The following ABLIM2 variants were observed in gnomAD, a reference collection of about 807,000 sequenced individuals.
ABLIM2 encodes actin-binding LIM protein 2.
A neutral mutation model predicts 97.7 loss-of-function variants in ABLIM2; 53 were observed. The ratio of observed to expected loss-of-function variants is 0.54; its 90% CI spans 0.44 to 0.68. The LOEUF is 0.68. ABLIM2 is among the 30% of genes least tolerant of loss of function. The pLI, the probability that ABLIM2 is intolerant of heterozygous loss-of-function variation, is 0.00. For missense variants in ABLIM2, 835 were observed against 867.2 expected (o/e 0.96, Z 0.47); for synonymous variants, 361 against 345.8 (o/e 1.04, Z -0.49).
rs949787246 is a variant in ABLIM2, at chr4:8,083,524, G to A, written c.455-2722C>T. Among the ~76,000 whole-genome samples, 1 of 152,232 alleles carries A rather than the reference G, an allele frequency of 6.6e-6. No individual in the cohort carries two copies. The highest frequency in any genetic ancestry group is 2.4e-5 in the African/African-American group (1 of 41,468). On this transcript the variant is annotated intron_variant, in intron 4 of 20. Transcript: ENST00000447017. The surrounding 1 kb of genome is among the most constrained non-coding windows in gnomAD (Gnocchi z 4.6). Reference sequence around the variant, plus strand: ...CCTTGACCTTGAGCTCCAAACTGCAGAGGGGATGTGAACCTCACACCTGCC... The same window carrying A: ...CCTTGACCTTGAGCTCCAAACTGCAAAGGGGATGTGAACCTCACACCTGCC...
chr4:8,084,725 C>T (rs973385472), intron 4 of ABLIM2, among the ~76,000 whole-genome samples: 1 of 152,232 alleles, frequency 6.6e-6, no homozygotes, highest in African/African-American at 2.4e-5. Context: ...GAGCTGCTTG[C>T]CATCCCTTTT....
At chr4:8,096,742 C>T (rs1051655744) in intron 3 of ABLIM2, among the ~76,000 whole-genome samples, 4 of 152,032 alleles carry the variant, frequency 2.6e-5, no homozygotes, top group Non-Finnish European at 5.9e-5. Context: ...AGGCAGGGAC[C>T]ACGTAGGAAG....
chr4:8,155,212 T>C lies in ABLIM2; in HGVS notation c.10+3468A>G, dbSNP rs1162699923. Among the ~76,000 whole-genome samples, 5 of 152,228 alleles carry C rather than the reference T, an allele frequency of 3.3e-5. No homozygotes were observed. Among genetic ancestry groups the C allele is most frequent in the Admixed American group, 3.3e-4 (5 of 15,280 alleles). ...GATGGCTCATATTCCATCACTGGCT[T>C]CCACGGTTTGGTGGTTTCTAACATT... On this transcript the variant is annotated intron_variant, in intron 1 of 20. Transcript: ENST00000447017. This position sits in a 1 kb window ranked among gnomAD's most constrained non-coding sequence, Gnocchi z 4.2.
intron 20 of ABLIM2, among the ~76,000 whole-genome samples, chr4:7,967,723 G>A (rs949851521): frequency 3.9e-5 from 6 of 152,196 alleles, no homozygotes; most frequent in African/African-American, 1.4e-4. Flanking sequence ...TGGTCAGGGC[G>A]TGGATACCAG....
chr4:8,040,122 T>G (rs1242395676), intron 9 of ABLIM2, among the ~76,000 whole-genome samples: 2 of 152,114 alleles, frequency 1.3e-5, no homozygotes, highest in Non-Finnish European at 2.9e-5. Flanking sequence ...GGGGAGCCGG[T>G]CTCTTCCTCA....
rs1170741825 is a variant in ABLIM2, at chr4:8,069,585, GTTT to G, written c.675+8040_675+8042del. Among the ~76,000 whole-genome samples the G allele has an allele frequency of 6.6e-6, 1 of 152,154 alleles. No individual in the cohort carries two copies. The highest frequency in any genetic ancestry group is 1.5e-5 in the Non-Finnish European group (1 of 68,004). On this transcript the variant is annotated intron_variant, in intron 6 of 20. Transcript: ENST00000447017. This position sits in a 1 kb window ranked among gnomAD's most constrained non-coding sequence, Gnocchi z 4.2. ...CATGTGCGTGTCTGTGTGTCTCTGT[GTTT>G]TGCCTGGTGTCTGTGTGGATGTCTT...
At chr4:8,102,735 C>G (rs1835293531) in intron 2 of ABLIM2, among the ~76,000 whole-genome samples, 1 of 152,178 alleles carries the variant, frequency 6.6e-6, no homozygotes, top group South Asian at 2.1e-4. Context: ...AGTGGGAACC[C>G]AACACAGTAG....
At chr4:8,096,020 A>T (rs1259415592) in intron 3 of ABLIM2, among the ~76,000 whole-genome samples, 1 of 151,954 alleles carries the variant, frequency 6.6e-6, no homozygotes, top group East Asian at 1.9e-4. Flanking sequence ...TCTGCCCAAC[A>T]TGTTCCAGCT....
chr4:8,138,110 T>G (rs907958410), intron 1 of ABLIM2, among the ~76,000 whole-genome samples: 1 of 151,488 alleles, frequency 6.6e-6, no homozygotes, highest in Non-Finnish European at 1.5e-5. Flanking sequence ...GCCCCTAGAG[T>G]TGTTGAATCC....
At chr4:8,153,094 G>A (rs1177889512) in intron 1 of ABLIM2, among the ~76,000 whole-genome samples, 1 of 152,164 alleles carries the variant, frequency 6.6e-6, no homozygotes, top group East Asian at 1.9e-4. Flanking sequence ...TGGCTTCAAG[G>A]ATAGGCAGTG....
chr4:7,977,867 C>T (rs1012230632), intron 20 of ABLIM2, among the ~76,000 whole-genome samples: 124 of 151,616 alleles, frequency 8.2e-4, no homozygotes, highest in Non-Finnish European at 1.1e-3. Flanking sequence ...TAGAAATATC[C>T]GTGTCAAATT....
intron 12 of ABLIM2, 74 bp downstream of exon 12, chr4:8,027,685 A>T: frequency 8.1e-7 from 1 of 1,238,512 alleles, no homozygotes; most frequent in Non-Finnish European, 1.1e-6. Context: ...TGCGGCAGAC[A>T]TGGACAGCGA....
intron 1 of ABLIM2, among the ~76,000 whole-genome samples, chr4:8,129,360 T>A (rs139896536): frequency 6.6e-6 from 1 of 152,296 alleles, no homozygotes; most frequent in African/African-American, 2.4e-5. Context: ...CACACCCAGC[T>A]CAGCTGCCTC....
rs1391946225 is a variant in ABLIM2, at chr4:8,067,570, C to G, written c.676-6516G>C. The G allele has an allele frequency of 6.6e-6, 1 of 152,280 alleles. No homozygotes were observed. The highest frequency in any genetic ancestry group is 1.5e-5 in the Non-Finnish European group (1 of 68,074). 9.4% of individuals were successfully genotyped at this position (152,280 alleles called of 1,614,324 possible). A position where few individuals can be genotyped will look rare whatever the true frequency, so the allele number is the denominator to read the frequency against. ...CTCATAAAGTATGAGAGTCAACAGC[C>G]AAACCCTTACATTTTAAGGACGCTC... is the stretch of plus-strand genomic sequence containing the variant. On this transcript the variant is annotated intron_variant, in intron 6 of 20. Coordinates refer to ENST00000447017, the MANE Select transcript of ABLIM2 (RefSeq NM_001130083.2). The surrounding 1 kb of genome is among the most constrained non-coding windows in gnomAD (Gnocchi z 5.4).
At chr4:8,088,825 G>A (rs1023847522) in intron 3 of ABLIM2, among the ~76,000 whole-genome samples, 2 of 152,188 alleles carry the variant, frequency 1.3e-5, no homozygotes, top group Non-Finnish European at 2.9e-5. Flanking sequence ...AGAAACTGGA[G>A]TTCAGAGAGG....
intron 7 of ABLIM2, among the ~76,000 whole-genome samples, chr4:8,056,305 C>CTTTTTTTTTTT (rs71175456): frequency 1.6e-5 from 2 of 128,186 alleles, no homozygotes; most frequent in African/African-American, 2.9e-5. Flanking sequence ...TTCTTTCTTT[C>CTTTTTTTTTTT]TTTTTTTTTT....
intron 16 of ABLIM2, chr4:8,006,885 G>T (rs566576034): frequency 7.5e-6 from 3 of 401,910 alleles, no homozygotes; most frequent in Non-Finnish European, 1.0e-5. Flanking sequence ...GCAGGGGGGG[G>T]GTGGCTTTCC....
chr4:7,969,337 C>T (rs1398853916), intron 20 of ABLIM2, among the ~76,000 whole-genome samples: 1 of 151,776 alleles, frequency 6.6e-6, no homozygotes, highest in Non-Finnish European at 1.5e-5. Flanking sequence ...ACCTGTAGTC[C>T]CAGTTACTGA....
intron 6 of ABLIM2, among the ~76,000 whole-genome samples, chr4:8,063,210 C>T (rs1263631130): frequency 3.9e-5 from 6 of 152,230 alleles, no homozygotes; most frequent in Non-Finnish European, 7.3e-5. Context: ...GGACTGCAGG[C>T]ACACGCCACC....
Sources: allele counts gnomAD v4.1 joint callset (sites outside exome capture counted in the v4.1 genomes callset), GRCh38; gene constraint gnomAD v4.1.1; non-coding constraint Gnocchi (gnomAD v3.1); transcripts MANE v1.5; gene names NCBI Gene and HGNC (gene_info 2026-07-23, HGNC 2026-07-21).